Variants in PFKFB4 observed in about 807,000 individuals in gnomAD.
The protein encoded by PFKFB4 is 6-phosphofructo-2-kinase/fructose-2,6-biphosphatase 4.
Under a neutral mutation model 62.8 loss-of-function variants are expected in PFKFB4, and 42 were observed. That is an observed-to-expected ratio of 0.67 (90% CI 0.52 to 0.86). The LOEUF (loss-of-function observed/expected upper bound fraction) is 0.86, where lower values mean the gene tolerates loss of function less well. PFKFB4 is among the 40% of genes least tolerant of loss of function. PFKFB4 has a pLI of 0.00. For synonymous variants in PFKFB4, 204 were observed against 240.7 expected (o/e 0.85, Z 1.41); for missense variants, 475 against 627.2 (o/e 0.76, Z 2.59).
At chr3:48,535,848 T>A (rs541512156) in intron 8 of PFKFB4, among the ~76,000 whole-genome samples, 190 bp from the exon 9 acceptor site, 10 of 152,248 alleles carry the variant, frequency 6.6e-5, no homozygotes, top group African/African-American at 2.4e-4. Context: ...CTGTGCACCC[T>A]CCCAGACCCT....
chr3:48,525,478 C>A, intron 10 of PFKFB4, 87 bp downstream of exon 10: 1 of 652,178 alleles, frequency 1.5e-6, no homozygotes, highest in East Asian at 3.0e-5. Context: ...CCACGCAGCC[C>A]CTGCAGAGCC....
intron 3 of PFKFB4, among the ~76,000 whole-genome samples, chr3:48,546,216 C>T (rs1229117058): frequency 2.0e-5 from 3 of 152,024 alleles, no homozygotes; most frequent in East Asian, 1.9e-4. Context: ...CCCCTGTGTG[C>T]GGTATGTGAC....
chr3:48,543,991 G>GC lies in PFKFB4; in HGVS notation c.312-346dup, dbSNP rs532957386. ...ATATTTTCCCTGATTATCAAAATAA[G>GC]CCCCCCCCCGCCCGCCTTTTATTTA... On this transcript the variant is annotated intron_variant, in intron 3 of 13. Coordinates refer to ENST00000232375, the MANE Select transcript of PFKFB4 (RefSeq NM_004567.4). Among the ~76,000 whole-genome samples, 838 of 145,318 alleles carry GC rather than the reference G, an allele frequency of 5.8e-3. 5 individuals carry two copies. The highest frequency in any genetic ancestry group is 0.014 in the African/African-American group (537 of 38,932).
At chr3:48,526,254 T>C (rs2042255292) in intron 9 of PFKFB4, among the ~76,000 whole-genome samples, 2 of 147,402 alleles carry the variant, frequency 1.4e-5, no homozygotes, top group African/African-American at 5.1e-5. Flanking sequence ...AGACTCCCTC[T>C]CAAAAGAAAA....
Position 48,549,977 on chromosome 3 carries a change from G to C in PFKFB4, c.215-17C>G. ...CATTGAACTCTGGAGGGAAGGAGAGGCTCAGCTTTCACAGCAACAGCAACC... is the reference window on the plus strand; with the variant it reads ...CATTGAACTCTGGAGGGAAGGAGAGCCTCAGCTTTCACAGCAACAGCAACC... On this transcript the variant is annotated splice_polypyrimidine_tract_variant and intron_variant, in intron 2 of 13. Transcript: ENST00000232375. The C allele has an allele frequency of 6.3e-7, 1 of 1,590,478 alleles. No individual in the cohort carries two copies. Among genetic ancestry groups the C allele is most frequent in the Non-Finnish European group, 8.6e-7 (1 of 1,158,458 alleles).
At chr3:48,536,608 C>A (rs1055391781) in intron 7 of PFKFB4, 145 bp from the exon 8 acceptor site, 3 of 642,008 alleles carry the variant, frequency 4.7e-6, no homozygotes, top group Non-Finnish European at 5.5e-6. Context: ...AGCTGGTGTG[C>A]GAGTGATGGG....
At chr3:48,550,424 C>G (rs2043104764) in intron 1 of PFKFB4, among the ~76,000 whole-genome samples, 190 bp from the exon 2 acceptor site, 1 of 152,188 alleles carries the variant, frequency 6.6e-6, no homozygotes, top group Non-Finnish European at 1.5e-5. Flanking sequence ...TTGGCATGTC[C>G]CCCTTCCCCA....
At chr3:48,549,812 C>T in intron 3 of PFKFB4, 52 bp downstream of exon 3, 1 of 1,130,258 alleles carries the variant, frequency 8.8e-7, no homozygotes, top group Non-Finnish European at 1.4e-6. Flanking sequence ...TAGCTTTCTC[C>T]ACACTGGGTC....
In PFKFB4 at chr3:48,538,586, G is replaced by A. The variant is rs2042702216; in HGVS notation, c.544C>T (p.Arg182Cys). Residue 182 changes from arginine (R) to cysteine (C), a missense_variant, in exon 7 of 14, where the codon CGC becomes TGC. Coordinates refer to ENST00000232375, the MANE Select transcript of PFKFB4 (RefSeq NM_004567.4). ...VKLGSPDYVN[R>C]DSDEATEDFM... is the part of the protein sequence containing the mutation. ...TCCTCCGTAGCCTCATCACTGTCGC[G>A]GTTGACATAGTCAGGGCTGCCCAGT... 1.9e-6 allele frequency: 3 copies of A among 1,614,172 alleles called. No individual in the cohort carries two copies. Among genetic ancestry groups the A allele is most frequent in the Admixed American group, 1.7e-5 (1 of 60,016 alleles).
chr3:48,547,914 C>T (rs1262783378), intron 3 of PFKFB4: 1 of 152,178 alleles, frequency 6.6e-6, no homozygotes, highest in African/African-American at 2.4e-5. Flanking sequence ...TTTTATTTTG[C>T]TAATTGGGAA....
In PFKFB4 at chr3:48,519,695, C is replaced by A. The variant is rs1190003746; in HGVS notation, c.*52G>T. 12 of 1,337,076 alleles carry A rather than the reference C, an allele frequency of 9.0e-6. No individual in the cohort carries two copies. Among genetic ancestry groups the A allele is most frequent in the South Asian group, 5.9e-5 (5 of 85,342 alleles). The allele number at this position is 1,337,076 out of a possible 1,614,324, so 82.8% of individuals were successfully genotyped here. A position where few individuals can be genotyped will look rare whatever the true frequency, so the allele number is the denominator to read the frequency against. On this transcript the variant is annotated 3_prime_UTR_variant, in exon 14 of 14. Coordinates refer to ENST00000232375, the MANE Select transcript of PFKFB4 (RefSeq NM_004567.4). ...ACACACACTGGAGGGCCTGGAATGA[C>A]CCCCTCTGCAGAGAGCAGTGCCTGC...
chr3:48,527,161 CA>C (rs1410903783), intron 9 of PFKFB4, among the ~76,000 whole-genome samples: 1 of 151,984 alleles, frequency 6.6e-6, no homozygotes, highest in African/African-American at 2.4e-5. Flanking sequence ...GCCTTGATTT[CA>C]GACTTCTAGC....
chr3:48,546,924 T>C (rs935973536), intron 3 of PFKFB4, among the ~76,000 whole-genome samples: 2 of 152,220 alleles, frequency 1.3e-5, no homozygotes, highest in Non-Finnish European at 2.9e-5. Flanking sequence ...AAGTGCGTCC[T>C]GTGTGACTCC....
At chr3:48,533,993 T>C (rs2107513315) in intron 9 of PFKFB4, among the ~76,000 whole-genome samples, 1 of 152,290 alleles carries the variant, frequency 6.6e-6, no homozygotes, top group East Asian at 1.9e-4. Context: ...CTTCCTGGAC[T>C]GCAGAGCCAA....
Position 48,536,332 on chromosome 3 carries a change from C to T in PFKFB4, c.764G>A (p.Cys255Tyr), listed in dbSNP as rs767038295. 6.2e-7 allele frequency: 1 copy of T among 1,614,208 alleles called. No homozygotes were observed. Among genetic ancestry groups the T allele is most frequent in the Non-Finnish European group, 8.5e-7 (1 of 1,180,046 alleles). The change falls in exon 8 of 14, where the codon TGC becomes TAC. Residue 255 changes from cysteine to tyrosine, a missense_variant. By Grantham distance (194) the Cys-to-Tyr change is radical. Transcript: ENST00000232375. ...GTTGAGCTCGCTCTCCCCGTGCCGGCAGAGGTAGATGGAGCGGGGGGTCAC... is the reference window on the plus strand; with the variant it reads ...GTTGAGCTCGCTCTCCCCGTGCCGGTAGAGGTAGATGGAGCGGGGGGTCAC... The part of the protein sequence containing the change: ...IHVTPRSIYL[C>Y]RHGESELNLK...
chr3:48,538,664 C>T (rs368649290), intron 6 of PFKFB4, 45 bp from the exon 7 acceptor site: 94 of 1,611,822 alleles, frequency 5.8e-5, no homozygotes, highest in Admixed American at 3.2e-4. Flanking sequence ...GGGTCAGGAG[C>T]CAGGCGGGGC....
At chr3:48,554,188 C>T (rs1270393375) in intron 1 of PFKFB4, among the ~76,000 whole-genome samples, 1 of 152,152 alleles carries the variant, frequency 6.6e-6, no homozygotes, top group Admixed American at 6.5e-5. Context: ...GCTTCTTCCT[C>T]CCCACAAAGC....
intron 1 of PFKFB4, among the ~76,000 whole-genome samples, chr3:48,555,309 C>T (rs1575405519): frequency 6.6e-6 from 1 of 152,174 alleles, no homozygotes; most frequent in East Asian, 1.9e-4. Context: ...GAAACATGGC[C>T]TTCCCCTGCC....
intron 3 of PFKFB4, chr3:48,548,139 C>T (rs2043020739): frequency 6.6e-6 from 1 of 152,144 alleles, no homozygotes. Context: ...ATATCCCTAC[C>T]TTAGGGGGAC....
Sources: allele counts gnomAD v4.1 joint callset (sites outside exome capture counted in the v4.1 genomes callset), GRCh38; gene constraint gnomAD v4.1.1; transcripts MANE v1.5; gene names NCBI Gene and HGNC (gene_info 2026-07-23, HGNC 2026-07-21).